The following VSTM2B variants were observed in gnomAD, a reference collection of about 807,000 sequenced individuals.
The protein encoded by VSTM2B is V-set and transmembrane domain-containing protein 2B.
In VSTM2B, 24 loss-of-function variants were observed where a neutral mutation model predicts 24.0. That is an observed-to-expected ratio of 1.00 (90% CI 0.72 to 1.40). The LOEUF is 1.40. VSTM2B is among the 40% of genes most tolerant of loss of function. VSTM2B has a pLI of 0.00. For missense variants in VSTM2B, 399 were observed against 416.4 expected, an observed-to-expected ratio of 0.96 and a Z score of 0.36; for synonymous variants, 226 against 194.4, an observed-to-expected ratio of 1.16 and a Z score of -1.35.
At chr19:29,538,628 A>G (rs1343269364) in intron 4 of VSTM2B, among the ~76,000 whole-genome samples, 2 of 152,222 alleles carry the variant, frequency 1.3e-5, no homozygotes, top group African/African-American at 4.8e-5. Flanking sequence ...ACAGTTCTGC[A>G]GGCTGTGCAA....
intron 4 of VSTM2B, among the ~76,000 whole-genome samples, chr19:29,537,968 A>G (rs1969932124): frequency 6.6e-6 from 1 of 152,176 alleles, no homozygotes; most frequent in South Asian, 2.1e-4. Context: ...CACTGAACAT[A>G]GTTCCGGAGG....
In VSTM2B at chr19:29,564,362, GCTTTT is replaced by G. The variant is rs1281326881; in HGVS notation, c.*434_*438del. Reference sequence around the variant, plus strand: ...TTTAATTTACTTTTTTTCTTTGGGGGCTTTTCTTTTTTATTAAATTATTTCTTTTG... The same window carrying G: ...TTTAATTTACTTTTTTTCTTTGGGGGCTTTTTTATTAAATTATTTCTTTTG... On this transcript the variant is annotated 3_prime_UTR_variant, in exon 5 of 5. Coordinates refer to ENST00000335523, the MANE Select transcript of VSTM2B (RefSeq NM_001146339.2). 2 of 151,548 alleles carry G rather than the reference GCTTTT, an allele frequency of 1.3e-5. No individual in the cohort carries two copies. The highest frequency in any genetic ancestry group is 4.9e-5 in the African/African-American group (2 of 41,164). The allele number at this position is 151,548 out of a possible 1,614,324, so 9.4% of individuals were successfully genotyped here.
At position 29,526,364 on chromosome 19, in the gene VSTM2B, T is replaced by TCCTGCA; in HGVS notation, c.-218_-213dup. 5.3e-6 allele frequency: 1 copy of TCCTGCA among 189,192 alleles called. No individual in the cohort carries two copies. Among genetic ancestry groups the TCCTGCA allele is most frequent in the Non-Finnish European group, 1.1e-5 (1 of 93,934 alleles). 11.7% of individuals were successfully genotyped at this position (189,192 alleles called of 1,614,324 possible). On this transcript the variant is annotated 5_prime_UTR_variant, in exon 1 of 5. Transcript: ENST00000335523. This position sits in a 1 kb window ranked among gnomAD's most constrained non-coding sequence, Gnocchi z 4.1. ...AGCAGCCTCCCGGTGGGACCGCGTC[T>TCCTGCA]CCTGCACACCCCGCGCAGCGCCCCC...
At chr19:29,532,017 A>G (rs1969772764) in intron 4 of VSTM2B, among the ~76,000 whole-genome samples, 1 of 152,224 alleles carries the variant, frequency 6.6e-6, no homozygotes, top group Non-Finnish European at 1.5e-5. Flanking sequence ...CACTGCCCTA[A>G]GAGAATTAAG....
chr19:29,560,857 C>T (rs1428685860), intron 4 of VSTM2B, among the ~76,000 whole-genome samples: 1 of 152,182 alleles, frequency 6.6e-6, no homozygotes, highest in Non-Finnish European at 1.5e-5. Flanking sequence ...ACAAGGTTCA[C>T]GTTGCCAGGC....
chr19:29,535,536 A>G (rs1969867260), intron 4 of VSTM2B, among the ~76,000 whole-genome samples: 1 of 152,058 alleles, frequency 6.6e-6, no homozygotes, highest in Non-Finnish European at 1.5e-5. Context: ...CAATATTTCA[A>G]TTAATAATGA....
At chr19:29,543,014 C>T (rs760172699) in intron 4 of VSTM2B, among the ~76,000 whole-genome samples, 13 of 152,136 alleles carry the variant, frequency 8.5e-5, no homozygotes, top group Non-Finnish European at 1.8e-4. Context: ...CTTCCGACTC[C>T]CCTAATCCCT....
intron 4 of VSTM2B, among the ~76,000 whole-genome samples, chr19:29,562,512 T>C (rs1970554146): frequency 6.6e-6 from 1 of 152,146 alleles, no homozygotes; most frequent in Non-Finnish European, 1.5e-5. Flanking sequence ...GGCACGGGGC[T>C]GCAGCCCAGC....
At chr19:29,529,005 G>A in intron 3 of VSTM2B, 5 of 985,478 alleles carry the variant, frequency 5.1e-6, no homozygotes, top group Non-Finnish European at 6.0e-6. Context: ...TCATGGGGTT[G>A]CTAACTCTGG....
chr19:29,528,348 G>C (rs1484650551), intron 2 of VSTM2B, 85 bp from the exon 3 acceptor site: 9 of 1,531,660 alleles, frequency 5.9e-6, no homozygotes, highest in Non-Finnish European at 8.0e-6. Flanking sequence ...GCCGGAGGAG[G>C]GTGCCCTTGC....
At chr19:29,548,267 G>A (rs983546859) in intron 4 of VSTM2B, among the ~76,000 whole-genome samples, 1 of 152,148 alleles carries the variant, frequency 6.6e-6, no homozygotes, top group African/African-American at 2.4e-5. Context: ...CAGCTTGTCT[G>A]CAAACCCAGG....
At chr19:29,562,580 G>A (rs1160660046) in intron 4 of VSTM2B, among the ~76,000 whole-genome samples, 3 of 152,178 alleles carry the variant, frequency 2.0e-5, no homozygotes, top group East Asian at 1.9e-4. Flanking sequence ...TGAGCAGGGC[G>A]GGGCTGAAAA....
At position 29,535,847 on chromosome 19, in the gene VSTM2B, A is replaced by G. The variant is rs75583847; in HGVS notation, c.769+5557A>G. On this transcript the variant is annotated intron_variant, in intron 4 of 4. Coordinates refer to ENST00000335523, the MANE Select transcript of VSTM2B (RefSeq NM_001146339.2). Reference sequence around the variant, plus strand: ...ATTGAGGCAGCCACCTGGTTTTCCCATCTCCCCGGACCCACGAGGACCCAA... The same window carrying G: ...ATTGAGGCAGCCACCTGGTTTTCCCGTCTCCCCGGACCCACGAGGACCCAA... Among the ~76,000 whole-genome samples the G allele has an allele frequency of 4.3e-3, 658 of 152,122 alleles. 1 individual carries two copies. Among genetic ancestry groups the G allele is most frequent in the South Asian group, 0.011 (55 of 4,812 alleles).
intron 4 of VSTM2B, among the ~76,000 whole-genome samples, chr19:29,557,049 A>G (rs1319617240): frequency 6.6e-6 from 1 of 152,218 alleles, no homozygotes; most frequent in Non-Finnish European, 1.5e-5. Flanking sequence ...ATTCATATGG[A>G]GCCCAAAAAG....
chr19:29,535,646 G>A lies in VSTM2B; in HGVS notation c.769+5356G>A, dbSNP rs893287452. 3.2e-4 allele frequency among the ~76,000 whole-genome samples: 49 copies of A among 152,330 alleles called. 1 individual carries two copies. The highest frequency in any genetic ancestry group is 1.0e-3 in the African/African-American group (42 of 41,570). Reference sequence around the variant, plus strand: ...ATCCGCGGATGTCGCCATGGCAACCGTAAACCGTGACCAAAGGGGGCCGTG... The same window carrying A: ...ATCCGCGGATGTCGCCATGGCAACCATAAACCGTGACCAAAGGGGGCCGTG... On this transcript the variant is annotated intron_variant, in intron 4 of 4. Transcript: ENST00000335523.
In VSTM2B at chr19:29,528,794, A is replaced by T. The variant is rs554051734; in HGVS notation, c.297+332A>T. On this transcript the variant is annotated intron_variant, in intron 3 of 4. Coordinates refer to ENST00000335523, the MANE Select transcript of VSTM2B (RefSeq NM_001146339.2). ...CCGCTCTGCGGGCATTCCTCCTAGCACCGGGAGCGCGCGGCTGCTCGCCCT... is the reference window on the plus strand; with the variant it reads ...CCGCTCTGCGGGCATTCCTCCTAGCTCCGGGAGCGCGCGGCTGCTCGCCCT... 8.3e-4 allele frequency: 515 copies of T among 621,564 alleles called. 1 individual carries two copies. In the African/African-American group the frequency reaches 9.7e-3, roughly 12 times the overall value. 38.5% of individuals were successfully genotyped at this position (621,564 alleles called of 1,614,324 possible).
chr19:29,532,242 C>T (rs999771939), intron 4 of VSTM2B, among the ~76,000 whole-genome samples: 4 of 152,170 alleles, frequency 2.6e-5, no homozygotes, highest in Non-Finnish European at 4.4e-5. Context: ...ATTACTTCTA[C>T]CCTCTTCCAT....
rs1053425268 is a variant in VSTM2B at position 29,555,099 on chromosome 19, G to A, written c.770-8747G>A. Among the ~76,000 whole-genome samples, 10 of 152,170 alleles carry A rather than the reference G, an allele frequency of 6.6e-5. No homozygotes were observed. The East Asian group carries it at 1.5e-3, about 23-fold the overall frequency. The stretch of plus-strand genomic sequence containing the variant: ...ACAGAAGTCTCCACCCTAAAACAAC[G>A]GAATATGCATTCTTCTTGGTGACAC... On this transcript the variant is annotated intron_variant, in intron 4 of 4. Coordinates refer to ENST00000335523, the MANE Select transcript of VSTM2B (RefSeq NM_001146339.2).
At chr19:29,557,658 C>T (rs1970441260) in intron 4 of VSTM2B, among the ~76,000 whole-genome samples, 1 of 150,078 alleles carries the variant, frequency 6.7e-6, no homozygotes, top group African/African-American at 2.5e-5. Context: ...GAGATGGTGC[C>T]ATTGCACTCC....
Sources: allele counts gnomAD v4.1 joint callset (sites outside exome capture counted in the v4.1 genomes callset), GRCh38; gene constraint gnomAD v4.1.1; non-coding constraint Gnocchi (gnomAD v3.1); transcripts MANE v1.5; gene names NCBI Gene and HGNC (gene_info 2026-07-23, HGNC 2026-07-21).